The following TAFA4 variants were observed in gnomAD, a reference collection of about 807,000 sequenced individuals.
TAFA4 encodes the protein chemokine-like protein TAFA-4.
A neutral mutation model predicts 21.1 loss-of-function variants in TAFA4; 20 were observed. The observed-to-expected ratio is 0.95, with a 90% CI of 0.67 to 1.38. The LOEUF is 1.38. Ranked by LOEUF, TAFA4 falls within the 40% of genes most tolerant of loss-of-function variation. TAFA4 has a pLI of 0.00. For synonymous variants in TAFA4, 71 were observed against 67.4 expected, an observed-to-expected ratio of 1.05 and a Z score of -0.26; for missense variants, 211 against 180.9, an observed-to-expected ratio of 1.17 and a Z score of -0.95.
intron 3 of TAFA4, among the ~76,000 whole-genome samples, chr3:68,761,713 G>A (rs943161700): frequency 5.3e-5 from 8 of 152,232 alleles, no homozygotes; most frequent in African/African-American, 9.6e-5. Flanking sequence ...AGATTCTACT[G>A]TGATCAGAGC....
intron 3 of TAFA4, among the ~76,000 whole-genome samples, chr3:68,754,287 CCT>C (rs747925857): frequency 2.0e-5 from 3 of 152,308 alleles, no homozygotes; most frequent in South Asian, 4.1e-4. Flanking sequence ...CTATTTTCCC[CCT>C]GATCAGAATC....
chr3:68,852,084 G>C (rs775710288), intron 3 of TAFA4, among the ~76,000 whole-genome samples: 3 of 152,168 alleles, frequency 2.0e-5, no homozygotes, highest in Non-Finnish European at 4.4e-5. Context: ...CCTACCTGAA[G>C]TCTTAACAAC....
chr3:68,871,460 T>C (rs1304375927), intron 3 of TAFA4, among the ~76,000 whole-genome samples: 1 of 152,100 alleles, frequency 6.6e-6, no homozygotes, highest in Non-Finnish European at 1.5e-5. Flanking sequence ...GTCTAACACC[T>C]GAAACTATGA....
chr3:68,910,081 A>G (rs1223495488), intron 1 of TAFA4, among the ~76,000 whole-genome samples: 2 of 152,242 alleles, frequency 1.3e-5, no homozygotes, highest in African/African-American at 4.8e-5. Flanking sequence ...GGCATCCCCA[A>G]CACACACATT....
chr3:68,862,827 C>T (rs2089363904), intron 3 of TAFA4, among the ~76,000 whole-genome samples: 1 of 150,498 alleles, frequency 6.6e-6, no homozygotes, highest in Non-Finnish European at 1.5e-5. Flanking sequence ...ATCATGGCCT[C>T]ATTCAGCCTC....
At chr3:68,791,658 A>G (rs1046116997) in intron 3 of TAFA4, among the ~76,000 whole-genome samples, 18 of 152,338 alleles carry the variant, frequency 1.2e-4, no homozygotes, top group African/African-American at 3.6e-4. Flanking sequence ...TGTTTCTGTC[A>G]GGAAGCCCAA....
chr3:68,917,771 AAAG>A (rs1163574082), intron 1 of TAFA4, among the ~76,000 whole-genome samples: 17 of 145,346 alleles, frequency 1.2e-4, no homozygotes, highest in Non-Finnish European at 2.0e-4. Flanking sequence ...AAAAAAAAAA[AAAG>A]AAAGTTCCCA....
At chr3:68,829,001 T>C (rs956655322) in intron 3 of TAFA4, among the ~76,000 whole-genome samples, 3 of 152,164 alleles carry the variant, frequency 2.0e-5, no homozygotes, top group African/African-American at 7.2e-5. Context: ...CAGTATGATA[T>C]TGGCAGTATG....
chr3:68,905,359 G>T (rs1211949293), intron 1 of TAFA4, among the ~76,000 whole-genome samples: 1 of 151,892 alleles, frequency 6.6e-6, no homozygotes, highest in African/African-American at 2.4e-5. Context: ...TAGTAGAGAT[G>T]GGGTTTCACC....
At chr3:68,780,821 A>T in intron 3 of TAFA4, among the ~76,000 whole-genome samples, 1 of 152,322 alleles carries the variant, frequency 6.6e-6, no homozygotes, top group South Asian at 2.1e-4. Context: ...TTATGGAAAA[A>T]GTATGCCCAA....
intron 3 of TAFA4, among the ~76,000 whole-genome samples, chr3:68,815,188 T>G (rs1172097001): frequency 6.6e-6 from 1 of 152,184 alleles, no homozygotes; most frequent in Non-Finnish European, 1.5e-5. Context: ...GACTTAAATG[T>G]TAGACCTAAA....
intron 3 of TAFA4, among the ~76,000 whole-genome samples, chr3:68,837,776 G>T (rs1007630129): frequency 2.6e-5 from 4 of 152,094 alleles, no homozygotes; most frequent in African/African-American, 9.6e-5. Context: ...TTTTCTTTTG[G>T]ATATATAAAA....
intron 3 of TAFA4, among the ~76,000 whole-genome samples, chr3:68,868,423 T>A (rs193180891): frequency 4.6e-5 from 7 of 152,110 alleles, no homozygotes; most frequent in Admixed American, 1.3e-4. Flanking sequence ...TTACAGAACA[T>A]TTCATCCAGC....
At chr3:68,845,633 G>C (rs1704770867) in intron 3 of TAFA4, among the ~76,000 whole-genome samples, 1 of 152,124 alleles carries the variant, frequency 6.6e-6, no homozygotes, top group Admixed American at 6.6e-5. Context: ...TTACAATTTG[G>C]CATGTTTATG....
At chr3:68,917,768 A>AG (rs2090018615) in intron 1 of TAFA4, among the ~76,000 whole-genome samples, 1 of 151,036 alleles carries the variant, frequency 6.6e-6, no homozygotes, top group East Asian at 1.9e-4. Flanking sequence ...AAAAAAAAAA[A>AG]AAAAAGAAAG....
At chr3:68,808,768 CA>C (rs1703762667) in intron 3 of TAFA4, among the ~76,000 whole-genome samples, 2 of 152,094 alleles carry the variant, frequency 1.3e-5, no homozygotes, top group Admixed American at 6.5e-5. Flanking sequence ...ACTGCAATAA[CA>C]AAAAAGCCCA....
intron 1 of TAFA4, among the ~76,000 whole-genome samples, chr3:68,925,429 A>C (rs1409589749): frequency 6.6e-6 from 1 of 152,232 alleles, no homozygotes; most frequent in East Asian, 1.9e-4. Context: ...CCAACGATAC[A>C]TACAGAGAAG....
At chr3:68,749,772 A>ATGTT (rs1702527498) in intron 4 of TAFA4, among the ~76,000 whole-genome samples, 3 of 152,214 alleles carry the variant, frequency 2.0e-5, no homozygotes, top group East Asian at 1.9e-4. Context: ...CTCAAGTTAC[A>ATGTT]TGTTTACATC....
chr3:68,773,030 T>C (rs1702988039), intron 3 of TAFA4, among the ~76,000 whole-genome samples: 1 of 152,184 alleles, frequency 6.6e-6, no homozygotes, highest in African/African-American at 2.4e-5. Context: ...TCTATTAAAA[T>C]TAAAAGTCAT....
Sources: allele counts gnomAD v4.1 joint callset (sites outside exome capture counted in the v4.1 genomes callset), GRCh38; gene constraint gnomAD v4.1.1; transcripts MANE v1.5; gene names NCBI Gene and HGNC (gene_info 2026-07-23, HGNC 2026-07-21).